The following GSN variants were observed in gnomAD, a reference collection of about 807,000 sequenced individuals.
The protein encoded by GSN is gelsolin.
In GSN, 56 loss-of-function variants were observed where a neutral mutation model predicts 85.7. The ratio of observed to expected loss-of-function variants is 0.65; its 90% CI spans 0.53 to 0.82. GSN has a LOEUF of 0.82. GSN is among the 40% of genes least tolerant of loss of function. GSN has a pLI of 0.00. For missense variants in GSN, 857 were observed against 979.8 expected, an observed-to-expected ratio of 0.87 and a Z score of 1.67; for synonymous variants, 373 against 399.1, an observed-to-expected ratio of 0.93 and a Z score of 0.78.
chr9:121,239,678 G>T (rs1249523149), intron 5 of GSN: 2 of 302,780 alleles, frequency 6.6e-6, no homozygotes, highest in East Asian at 1.9e-4. Context: ...TGATATCAAA[G>T]AAATCTTCAG....
At chr9:121,279,565 G>A (rs115087551) in intron 1 of GSN, among the ~76,000 whole-genome samples, 121 of 152,168 alleles carry the variant, frequency 8.0e-4, no homozygotes, top group African/African-American at 2.7e-3. Flanking sequence ...CAGAGCAAAA[G>A]GGGTGAGTGG....
At chr9:121,316,619 C>T (rs948048575) in intron 7 of GSN, among the ~76,000 whole-genome samples, 2 of 152,052 alleles carry the variant, frequency 1.3e-5, no homozygotes, top group South Asian at 2.1e-4. Flanking sequence ...CACAAGCAAG[C>T]GCCACCACAC....
At chr9:121,315,717 T>C (rs986644691) in intron 7 of GSN, among the ~76,000 whole-genome samples, 2 of 152,078 alleles carry the variant, frequency 1.3e-5, no homozygotes, top group African/African-American at 4.8e-5. Context: ...GCTGAGATAG[T>C]GCCATTGCAC....
chr9:121,327,230 GC>G lies in GSN; in HGVS notation c.1588-77del, dbSNP rs199863273. 36,953 of 1,150,232 alleles carry G rather than the reference GC, an allele frequency of 0.032. 2,797 individuals carry two copies. The highest frequency in any genetic ancestry group is 0.23 in the Admixed American group (13,843 of 59,170). 71.3% of individuals were successfully genotyped at this position (1,150,232 alleles called of 1,614,324 possible). A position where few individuals can be genotyped will look rare whatever the true frequency, so the allele number is the denominator to read the frequency against. ...TCCCCACCTGAGAGCTAGTCCTGCT[GC>G]GGGGTCTCCTGGGCTGTGAGGAGGG... On this transcript the variant is annotated intron_variant, in intron 13 of 17. Coordinates refer to ENST00000432226, the MANE Select transcript of GSN (RefSeq NM_198252.3).
intron 3 of GSN, chr9:121,210,707 G>A (rs1440986266): frequency 1.3e-5 from 2 of 152,182 alleles, no homozygotes; most frequent in African/African-American, 2.4e-5. Context: ...TGCATGAGAG[G>A]GTTTCAATAC....
intron 7 of GSN, among the ~76,000 whole-genome samples, chr9:121,316,157 T>C (rs1192894548): frequency 6.6e-6 from 1 of 152,234 alleles, no homozygotes; most frequent in Non-Finnish European, 1.5e-5. Context: ...TGTTAAACTT[T>C]TGAATTTTGA....
intron 1 of GSN, among the ~76,000 whole-genome samples, chr9:121,278,089 T>C (rs1295306439): frequency 1.3e-5 from 2 of 151,876 alleles, no homozygotes; most frequent in African/African-American, 2.4e-5. Context: ...GGCCCAGCCT[T>C]ATAGCTTTGA....
chr9:121,234,084 G>A (rs993260810), intron 5 of GSN, among the ~76,000 whole-genome samples: 3 of 152,160 alleles, frequency 2.0e-5, no homozygotes, highest in Non-Finnish European at 2.9e-5. Context: ...TGACACTTCA[G>A]GCAATAGGAC....
chr9:121,317,020 TG>T, intron 7 of GSN, 65 bp from the exon 8 acceptor site: 1 of 1,608,780 alleles, frequency 6.2e-7, no homozygotes, highest in South Asian at 1.1e-5. Context: ...GGCAAGATGG[TG>T]GAAGTCTCAG....
chr9:121,274,946 T>C (rs944162110), intron 1 of GSN, among the ~76,000 whole-genome samples: 20 of 152,182 alleles, frequency 1.3e-4, no homozygotes, highest in African/African-American at 4.6e-4. Flanking sequence ...CTGGCTAAAG[T>C]TTGGCCAAGC....
intron 10 of GSN, among the ~76,000 whole-genome samples, chr9:121,320,003 G>A (rs1223953084): frequency 1.3e-5 from 2 of 152,172 alleles, no homozygotes; most frequent in African/African-American, 4.8e-5. Context: ...AGTGGCTAGG[G>A]AGAATGCAAT....
At chr9:121,211,931 C>G (rs2053976604) in intron 4 of GSN, among the ~76,000 whole-genome samples, 1 of 152,148 alleles carries the variant, frequency 6.6e-6, no homozygotes, top group Admixed American at 6.5e-5. Context: ...GGCTCTGATA[C>G]TCTGTATTTG....
chr9:121,261,178 TC>T lies in GSN; in HGVS notation c.-340-3974del, dbSNP rs1313002927. ...GCGGGGACAGCTGAATGCCTTCTGG[TC>T]CGCTGAGCCCAGAAGAGTGGGGCTG... On this transcript the variant is annotated intron_variant, in intron 6 of 24. Transcript: ENST00000373823. The surrounding 1 kb of genome is among the most constrained non-coding windows in gnomAD (Gnocchi z 4.1). 6.6e-6 allele frequency among the ~76,000 whole-genome samples: 1 copy of T among 152,230 alleles called. No homozygotes were observed. Among genetic ancestry groups the T allele is most frequent in the Non-Finnish European group, 1.5e-5 (1 of 68,042 alleles).
upstream of GSN, among the ~76,000 whole-genome samples, chr9:121,207,060 T>G (rs1016555599): frequency 6.6e-6 from 1 of 152,292 alleles, no homozygotes; most frequent in Non-Finnish European, 1.5e-5. Context: ...GGGAGATTGA[T>G]ATCTAAATTA....
intron 2 of GSN, among the ~76,000 whole-genome samples, chr9:121,286,379 T>C (rs1388399186): frequency 1.3e-5 from 2 of 152,248 alleles, no homozygotes; most frequent in Admixed American, 6.5e-5. Flanking sequence ...CAGGACTCCG[T>C]AGCAGTCAGA....
chr9:121,267,452 G>C (rs1458899165), upstream of GSN, among the ~76,000 whole-genome samples: 1 of 152,140 alleles, frequency 6.6e-6, no homozygotes, highest in Non-Finnish European at 1.5e-5. Context: ...TTCTCACTGA[G>C]TCTTCTCAAC....
chr9:121,306,501 G>A (rs1330738563), intron 4 of GSN, among the ~76,000 whole-genome samples: 1 of 120,882 alleles, frequency 8.3e-6, no homozygotes, highest in East Asian at 3.1e-4. Flanking sequence ...TTCTCCCCTT[G>A]GAGATATATA....
At chr9:121,328,611 T>C (rs1266413906) in intron 14 of GSN, among the ~76,000 whole-genome samples, 5 of 152,132 alleles carry the variant, frequency 3.3e-5, no homozygotes, top group Non-Finnish European at 5.9e-5. Context: ...ATTAGCTGAG[T>C]GGAGCTAATG....
At position 121,215,884 on chromosome 9, in the gene GSN, ATTGT is replaced by A. The variant is rs1005394473; in HGVS notation, c.-528+5022_-528+5025del. On this transcript the variant is annotated intron_variant, in intron 4 of 24. Coordinates refer to the GSN transcript ENST00000373823. ...CATATAAATTATAATTATACCTATA[ATTGT>A]TTGTAATTTATTAACTGTTAGAATA... Among the ~76,000 whole-genome samples the A allele has an allele frequency of 1.1e-4, 17 of 152,186 alleles. No homozygotes were observed. In the East Asian group the frequency reaches 2.3e-3, roughly 21 times the overall value.
Sources: gnomAD v4.1 joint callset for allele counts (sites outside exome capture counted in the v4.1 genomes callset) on GRCh38, gnomAD v4.1.1 for gene constraint, Gnocchi (gnomAD v3.1) non-coding constraint, MANE v1.5 for transcripts, NCBI Gene and HGNC (gene_info 2026-07-23, HGNC 2026-07-21) for gene names.